The following CFAP61 variants were observed in gnomAD, a reference collection of about 807,000 sequenced individuals.
The protein encoded by CFAP61 is cilia and flagella associated protein 61, also known as cilia- and flagella-associated protein 61.
A neutral mutation model predicts 135.6 loss-of-function variants in CFAP61; 107 were observed. The ratio of observed to expected loss-of-function variants is 0.79; its 90% CI spans 0.67 to 0.93. The LOEUF is 0.93. Ranked by LOEUF, CFAP61 falls within the 40% of genes least tolerant of loss-of-function variation. The pLI is 0.00. For missense variants in CFAP61, 1,507 were observed against 1,556.2 expected, an observed-to-expected ratio of 0.97 and a Z score of 0.53; for synonymous variants, 575 against 578.5, an observed-to-expected ratio of 0.99 and a Z score of 0.09.
At chr20:20,101,055 A>G (rs1209840260) in intron 8 of CFAP61, among the ~76,000 whole-genome samples, 3 of 152,208 alleles carry the variant, frequency 2.0e-5, no homozygotes, top group Non-Finnish European at 1.5e-5. Flanking sequence ...AGACTTCCAC[A>G]TAACTTCCAG....
chr20:20,354,820 C>A (rs1002647847), intron 26 of CFAP61, among the ~76,000 whole-genome samples: 1 of 144,256 alleles, frequency 6.9e-6, no homozygotes, highest in African/African-American at 2.6e-5. Context: ...GGTGGTCACA[C>A]TGTGAGAGAA....
chr20:20,131,008 A>G (rs891344346), intron 8 of CFAP61, among the ~76,000 whole-genome samples: 1 of 151,818 alleles, frequency 6.6e-6, no homozygotes, highest in Non-Finnish European at 1.5e-5. Flanking sequence ...CCACCTCAAT[A>G]TCAGTTTGCT....
At chr20:20,099,663 G>A (rs138061919) in intron 8 of CFAP61, among the ~76,000 whole-genome samples, 2 of 152,230 alleles carry the variant, frequency 1.3e-5, no homozygotes, top group African/African-American at 2.4e-5. Flanking sequence ...GATCATCACC[G>A]TTAGCAATTA....
intron 6 of CFAP61, among the ~76,000 whole-genome samples, chr20:20,087,991 C>G (rs7261425): frequency 0.23 from 35,544 of 151,892 alleles, 4,757 homozygotes; most frequent in Middle Eastern, 0.36. Context: ...AATAGATGGA[C>G]AAGTGGTCAA....
At position 20,192,403 on chromosome 20, in the gene CFAP61, T is replaced by C. The variant is rs74858269; in HGVS notation, c.1590+984T>C. Among the ~76,000 whole-genome samples the C allele has an allele frequency of 9.7e-3, 1,479 of 152,252 alleles. 15 individuals carry two copies. The highest frequency in any genetic ancestry group is 0.041 in the Middle Eastern group (12 of 294). On this transcript the variant is annotated intron_variant, in intron 15 of 26. Coordinates refer to ENST00000245957, the MANE Select transcript of CFAP61 (RefSeq NM_015585.4). Reference sequence around the variant, plus strand: ...CAGCATTATGGGTACCTTTGCCTTTTGGCTGCCCGTTGGGTTTGGTGGATG... The same window carrying C: ...CAGCATTATGGGTACCTTTGCCTTTCGGCTGCCCGTTGGGTTTGGTGGATG...
chr20:20,212,141 G>C (rs1471393511), intron 17 of CFAP61, among the ~76,000 whole-genome samples: 1 of 152,152 alleles, frequency 6.6e-6, no homozygotes, highest in East Asian at 1.9e-4. Context: ...AGGCTGGCAG[G>C]CCCCTTTCAG....
intron 8 of CFAP61, among the ~76,000 whole-genome samples, chr20:20,123,193 G>T (rs1456328087): frequency 4.0e-5 from 6 of 151,590 alleles, no homozygotes; most frequent in Admixed American, 3.9e-4. Flanking sequence ...TGTACAGATT[G>T]TAAAGACTTT....
intron 9 of CFAP61, among the ~76,000 whole-genome samples, chr20:20,145,955 T>C (rs2051843497): frequency 6.6e-6 from 1 of 152,172 alleles, no homozygotes; most frequent in Admixed American, 6.5e-5. Flanking sequence ...AGAAAATCAG[T>C]AAGGATAAAG....
intron 2 of CFAP61, among the ~76,000 whole-genome samples, chr20:20,063,185 C>A (rs1247547210): frequency 6.6e-6 from 1 of 152,196 alleles, no homozygotes; most frequent in Non-Finnish European, 1.5e-5. Flanking sequence ...CAAATAAATA[C>A]AAGTTCTTGG....
At chr20:20,054,433 A>G (rs1426854768) in intron 1 of CFAP61, among the ~76,000 whole-genome samples, 3 of 152,182 alleles carry the variant, frequency 2.0e-5, no homozygotes, top group Non-Finnish European at 1.5e-5. Context: ...ACATACATAC[A>G]CATATACACA....
rs1307314821 is a variant in CFAP61, at chr20:20,359,054, G to A, written c.3514-1156G>A. On this transcript the variant is annotated intron_variant, in intron 26 of 26. Coordinates refer to ENST00000245957, the MANE Select transcript of CFAP61 (RefSeq NM_015585.4). This position sits in a 1 kb window ranked among gnomAD's most constrained non-coding sequence, Gnocchi z 4.0. ...AGCAAATATAGCAGATGTTAACTGT[G>A]GAGTCCAGGTGCAGGTGTGCAGGTG... 6.6e-6 allele frequency among the ~76,000 whole-genome samples: 1 copy of A among 152,110 alleles called. No individual in the cohort carries two copies. The highest frequency in any genetic ancestry group is 2.4e-5 in the African/African-American group (1 of 41,382).
intron 8 of CFAP61, among the ~76,000 whole-genome samples, chr20:20,109,360 C>T (rs1439271352): frequency 3.3e-5 from 5 of 152,202 alleles, no homozygotes; most frequent in Non-Finnish European, 5.9e-5. Context: ...TCCTGTTTTA[C>T]TCCTTGCTTG....
intron 8 of CFAP61, among the ~76,000 whole-genome samples, chr20:20,100,596 C>A (rs2047950861): frequency 6.6e-6 from 1 of 152,162 alleles, no homozygotes; most frequent in Non-Finnish European, 1.5e-5. Context: ...AGCTCAGCGC[C>A]AAACACAAAG....
chr20:20,304,794 G>A (rs576543174), intron 25 of CFAP61, among the ~76,000 whole-genome samples: 1 of 152,124 alleles, frequency 6.6e-6, no homozygotes, highest in South Asian at 2.1e-4. Context: ...AGGCTGAGGC[G>A]GCTTCTTGAG....
At chr20:20,189,887 C>T (rs1023613928) in intron 14 of CFAP61, among the ~76,000 whole-genome samples, 14 of 152,128 alleles carry the variant, frequency 9.2e-5, no homozygotes, top group Non-Finnish European at 1.5e-4. Context: ...CTCCGCCTCC[C>T]GGGTTCAAGG....
chr20:20,325,457 T>A (rs2057708491), intron 25 of CFAP61, among the ~76,000 whole-genome samples: 1 of 152,226 alleles, frequency 6.6e-6, no homozygotes, highest in Non-Finnish European at 1.5e-5. Flanking sequence ...TAGTTTTACC[T>A]TTTCCAGAAT....
chr20:20,154,256 A>G (rs1262711226), intron 9 of CFAP61, among the ~76,000 whole-genome samples: 1 of 152,132 alleles, frequency 6.6e-6, no homozygotes, highest in African/African-American at 2.4e-5. Flanking sequence ...ATTATACTGA[A>G]CAAGGAAAAG....
chr20:20,341,872 G>A lies in CFAP61; in HGVS notation c.3464G>A (p.Arg1155His), dbSNP rs116375840. The A allele has an allele frequency of 1.3e-5, 21 of 1,613,616 alleles. No individual in the cohort carries two copies. The highest frequency in any genetic ancestry group is 1.1e-4 in the East Asian group (5 of 44,868). Residue 1155 changes from arginine (R) to histidine (H), a missense_variant, in exon 26 of 27, where the codon CGT (arginine) becomes CAT (histidine). Arg to His is a conservative substitution (Grantham distance 29). Transcript: ENST00000245957. ...EPWCLALFHD[R>H]FIDLRKELRQ... Reference sequence around the variant, plus strand: ...TGGTGCCTGGCCCTGTTCCACGATCGTTTTATTGATCTCAGGAAAGAGTTA... The same window carrying A: ...TGGTGCCTGGCCCTGTTCCACGATCATTTTATTGATCTCAGGAAAGAGTTA...
At chr20:20,158,260 CA>C (rs2053109315) in intron 9 of CFAP61, among the ~76,000 whole-genome samples, 1 of 127,596 alleles carries the variant, frequency 7.8e-6, no homozygotes, top group Admixed American at 8.3e-5. Context: ...TAGATTAAAA[CA>C]AATATCAAAT....
Sources: allele counts gnomAD v4.1 joint callset (sites outside exome capture counted in the v4.1 genomes callset), GRCh38; gene constraint gnomAD v4.1.1; non-coding constraint Gnocchi (gnomAD v3.1); transcripts MANE v1.5; gene names NCBI Gene and HGNC (gene_info 2026-07-23, HGNC 2026-07-21).